BABAM2: variants seen among roughly 807,000 people sequenced by gnomAD.
BABAM2 encodes the protein BRISC and BRCA1-A complex member 2.
BABAM2 carries 31 observed loss-of-function variants against 54.7 expected under a neutral mutation model. That is an observed-to-expected ratio of 0.57 (90% CI 0.43 to 0.77). The LOEUF (loss-of-function observed/expected upper bound fraction) is 0.77. BABAM2 is among the 30% of genes least tolerant of loss of function. BABAM2 has a pLI of 0.00. For synonymous variants in BABAM2, 167 were observed against 162.9 expected (o/e 1.03, Z -0.19); for missense variants, 364 against 455.8 (o/e 0.80, Z 1.83).
chr2:28,267,264 C>T (rs1036280323), intron 10 of BABAM2, among the ~76,000 whole-genome samples: 1 of 152,144 alleles, frequency 6.6e-6, no homozygotes, highest in South Asian at 2.1e-4. Context: ...ATATCAACAA[C>T]CAGGATAGGA....
chr2:28,248,342 T>C (rs1372347563), intron 10 of BABAM2, among the ~76,000 whole-genome samples: 1 of 151,118 alleles, frequency 6.6e-6, no homozygotes, highest in Non-Finnish European at 1.5e-5. Context: ...CTCGAGTAGC[T>C]GGGATTACAG....
chr2:27,965,782 T>C (rs1410189438), intron 3 of BABAM2, among the ~76,000 whole-genome samples: 1 of 152,232 alleles, frequency 6.6e-6, no homozygotes, highest in African/African-American at 2.4e-5. Flanking sequence ...CATTTAGCTC[T>C]CTTATTTGCA....
intron 2 of BABAM2, among the ~76,000 whole-genome samples, chr2:27,908,758 C>T (rs1558578254): frequency 2.6e-5 from 4 of 152,164 alleles, no homozygotes; most frequent in Admixed American, 2.6e-4. Context: ...CCTGCAGCTG[C>T]ATCTATGTTG....
chr2:28,302,710 G>C (rs1470607041), intron 11 of BABAM2, among the ~76,000 whole-genome samples: 1 of 152,076 alleles, frequency 6.6e-6, no homozygotes, highest in Non-Finnish European at 1.5e-5. Flanking sequence ...AATATGCCAG[G>C]GTTCCAGTTG....
chr2:27,993,160 G>A (rs1672898266), intron 4 of BABAM2, among the ~76,000 whole-genome samples: 1 of 152,138 alleles, frequency 6.6e-6, no homozygotes, highest in Admixed American at 6.5e-5. Context: ...AGTTAAAAAA[G>A]GGCAGTCCCA....
At chr2:28,005,958 T>C (rs1471889015) in intron 4 of BABAM2, among the ~76,000 whole-genome samples, 2 of 152,104 alleles carry the variant, frequency 1.3e-5, no homozygotes, top group Non-Finnish European at 1.5e-5. Flanking sequence ...AATACCATTA[T>C]CTTATCTAAA....
At chr2:27,917,032 T>G (rs1027687571) in intron 2 of BABAM2, among the ~76,000 whole-genome samples, 75 of 150,338 alleles carry the variant, frequency 5.0e-4, no homozygotes, top group African/African-American at 1.8e-3. Context: ...TTTTTTTTTT[T>G]TTTTGTGACA....
In BABAM2 at chr2:28,161,302, T is replaced by TG. The variant is rs534158160; in HGVS notation, c.680+31928dup. Among the ~76,000 whole-genome samples the TG allele has an allele frequency of 1.3e-3, 199 of 152,246 alleles. 1 individual carries two copies. The highest frequency in any genetic ancestry group is 4.4e-3 in the African/African-American group (183 of 41,552). On this transcript the variant is annotated intron_variant, in intron 7 of 11. Coordinates refer to ENST00000379624, the MANE Select transcript of BABAM2 (RefSeq NM_199191.3). ...GCTTCACTGTGTCTCCTAGGGTTCCTGGGGGGCTCCAGGAGTCTAGGTGCT... is the reference window on the plus strand; with the variant it reads ...GCTTCACTGTGTCTCCTAGGGTTCCTGGGGGGGCTCCAGGAGTCTAGGTGCT...
Position 27,927,515 on chromosome 2 carries a change from G to A in BABAM2, c.129-2317G>A, listed in dbSNP as rs367789636. Among the ~76,000 whole-genome samples the A allele has an allele frequency of 1.4e-4, 22 of 152,274 alleles. 1 individual carries two copies. The highest frequency in any genetic ancestry group is 4.6e-4 in the African/African-American group (19 of 41,568). On this transcript the variant is annotated intron_variant, in intron 2 of 11. Coordinates refer to ENST00000379624, the MANE Select transcript of BABAM2 (RefSeq NM_199191.3). ...TCATAATGACATGATGCTCATTACC[G>A]TCATTAGATTGTACTTCATAATGCT...
chr2:28,104,941 A>G (rs1322716730), intron 6 of BABAM2, among the ~76,000 whole-genome samples: 2 of 152,088 alleles, frequency 1.3e-5, no homozygotes, highest in African/African-American at 4.8e-5. Flanking sequence ...TCACAAGGAC[A>G]AAAAACCAAA....
At chr2:28,326,797 T>G (rs1365614830) in intron 11 of BABAM2, among the ~76,000 whole-genome samples, 2 of 152,138 alleles carry the variant, frequency 1.3e-5, no homozygotes, top group Non-Finnish European at 2.9e-5. Context: ...CTCTAGGCAC[T>G]TACAGGGATG....
chr2:28,239,224 C>T (rs777395540), intron 8 of BABAM2, among the ~76,000 whole-genome samples: 1 of 152,220 alleles, frequency 6.6e-6, no homozygotes, highest in Non-Finnish European at 1.5e-5. Context: ...TATAAATTGA[C>T]ATAAACCCCT....
At chr2:28,132,074 T>A (rs1670122915) in intron 7 of BABAM2, among the ~76,000 whole-genome samples, 1 of 152,016 alleles carries the variant, frequency 6.6e-6, no homozygotes, top group African/African-American at 2.4e-5. Flanking sequence ...ATTTTAAAAG[T>A]CATTTTTCCA....
At chr2:28,021,138 T>C (rs1675227775) in intron 4 of BABAM2, among the ~76,000 whole-genome samples, 1 of 152,174 alleles carries the variant, frequency 6.6e-6, no homozygotes, top group Non-Finnish European at 1.5e-5. Flanking sequence ...CTTTCTTCTC[T>C]TGTGGGAAAT....
chr2:28,079,280 A>T (rs1195768129), intron 6 of BABAM2, among the ~76,000 whole-genome samples: 1 of 152,072 alleles, frequency 6.6e-6, no homozygotes, highest in East Asian at 1.9e-4. Flanking sequence ...ATTTCATGTT[A>T]TGTTTCTTTA....
At chr2:28,076,089 C>A (rs745566602) in intron 6 of BABAM2, among the ~76,000 whole-genome samples, 1 of 151,946 alleles carries the variant, frequency 6.6e-6, no homozygotes, top group Non-Finnish European at 1.5e-5. Context: ...CATAAGGAGA[C>A]CCTGTCTCTA....
chr2:27,992,875 A>G (rs1215583106), intron 4 of BABAM2, among the ~76,000 whole-genome samples: 1 of 151,808 alleles, frequency 6.6e-6, no homozygotes, highest in Non-Finnish European at 1.5e-5. Flanking sequence ...TTTTTTATTT[A>G]CTCTACCTGT....
intron 7 of BABAM2, among the ~76,000 whole-genome samples, chr2:28,164,888 C>T (rs57012345): frequency 1.1e-3 from 169 of 152,266 alleles, no homozygotes; most frequent in African/African-American, 3.9e-3. Context: ...ATGCTTCAGT[C>T]AGGATTTTAT....
intron 10 of BABAM2, among the ~76,000 whole-genome samples, chr2:28,266,075 C>G (rs1404958555): frequency 6.6e-6 from 1 of 152,056 alleles, no homozygotes; most frequent in Non-Finnish European, 1.5e-5. Flanking sequence ...ACCTCCACCT[C>G]CTGGATTCAA....
Sources: allele counts gnomAD v4.1 joint callset (sites outside exome capture counted in the v4.1 genomes callset), GRCh38; gene constraint gnomAD v4.1.1; transcripts MANE v1.5; gene names NCBI Gene and HGNC (gene_info 2026-07-23, HGNC 2026-07-21).